Variants in CRTC1 observed in about 807,000 individuals in gnomAD.
CRTC1 encodes CREB-regulated transcription coactivator 1.
Under a neutral mutation model 66.1 loss-of-function variants are expected in CRTC1, and 18 were observed. That is an observed-to-expected ratio of 0.27 (90% CI 0.19 to 0.40). The LOEUF is 0.40. CRTC1 is among the 10% of genes least tolerant of loss of function. The probability of loss-of-function intolerance (pLI) is 1.00; values close to 1 mark genes in which losing one functional copy is unlikely to be tolerated. For missense variants in CRTC1, 669 were observed against 887.9 expected (o/e 0.75, Z 3.13); for synonymous variants, 416 against 398.8 (o/e 1.04, Z -0.51).
intron 1 of CRTC1, among the ~76,000 whole-genome samples, chr19:18,704,688 G>A (rs1410019156): frequency 2.0e-5 from 3 of 152,040 alleles, no homozygotes; most frequent in African/African-American, 7.2e-5. Context: ...CTGCAGCCTG[G>A]GCAACAGAAC....
chr19:18,775,609 G>T, intron 12 of CRTC1, 32 bp from the exon 13 acceptor site: 1 of 1,524,822 alleles, frequency 6.6e-7, no homozygotes, highest in Admixed American at 2.1e-5. Flanking sequence ...GCCCGCGGTG[G>T]CCCTCACAGC....
At chr19:18,708,525 G>T (rs1274836256) in intron 1 of CRTC1, among the ~76,000 whole-genome samples, 1 of 152,206 alleles carries the variant, frequency 6.6e-6, no homozygotes. Flanking sequence ...GGGGAATCGG[G>T]ACCATGACGA....
At position 18,708,915 on chromosome 19, in the gene CRTC1, C is replaced by T. The variant is rs113624803; in HGVS notation, c.126+25087C>T. Among the ~76,000 whole-genome samples, 17 of 152,340 alleles carry T rather than the reference C, an allele frequency of 1.1e-4. 1 individual carries two copies. The highest frequency in any genetic ancestry group is 4.1e-4 in the African/African-American group (17 of 41,586). On this transcript the variant is annotated intron_variant, in intron 1 of 13. Transcript: ENST00000321949. ...TGCTCAGTTCAGGCAGCCGTGTGGC[C>T]ACCCTGGTGACTCCTCCCTGCCGCT...
Position 18,777,391 on chromosome 19 carries a change from G to A in CRTC1, c.*9G>A, listed in dbSNP as rs1410288152. 5.6e-6 allele frequency: 9 copies of A among 1,599,860 alleles called. No individual in the cohort carries two copies. Among genetic ancestry groups the A allele is most frequent in the Non-Finnish European group, 7.6e-6 (9 of 1,179,064 alleles). On this transcript the variant is annotated 3_prime_UTR_variant, in exon 14 of 14. Transcript: ENST00000321949. The surrounding 1 kb of genome is among the most constrained non-coding windows in gnomAD (Gnocchi z 5.5). ...GGATGGACCGCCTGTGAGCGGGCAC[G>A]CCGGCACCCTGCCGCTCAGCCGTCC...
chr19:18,706,394 T>TG (rs61204250), intron 1 of CRTC1, among the ~76,000 whole-genome samples: 4,397 of 151,444 alleles, frequency 0.029, 233 homozygotes, highest in African/African-American at 0.1. Flanking sequence ...TTAGTAGAGA[T>TG]GGGGTTTCAC....
chr19:18,752,680 G>A (rs945202211), intron 5 of CRTC1, among the ~76,000 whole-genome samples: 2 of 147,794 alleles, frequency 1.4e-5, no homozygotes, highest in South Asian at 2.1e-4. Flanking sequence ...TCACTCTGTC[G>A]CCCAGACTGG....
chr19:18,725,642 C>T (rs541668241), intron 1 of CRTC1, among the ~76,000 whole-genome samples: 5 of 152,294 alleles, frequency 3.3e-5, no homozygotes, highest in South Asian at 2.1e-4. Context: ...GAGGCCTGGC[C>T]GTCCTTGGCG....
chr19:18,745,905 G>A lies in CRTC1; in HGVS notation c.326G>A (p.Gly109Asp). 6.2e-7 allele frequency: 1 copy of A among 1,613,204 alleles called. No homozygotes were observed. The highest frequency in any genetic ancestry group is 8.5e-7 in the Non-Finnish European group (1 of 1,179,828). ...GLVDRVYRER[G>D]RLGSPHRRPL... is the part of the protein sequence containing the mutation. ...GTGGACAGGGTGTACCGGGAGCGTG[G>A]CCGGCTCGGCTCCCCACACCGCCGG... The change falls in exon 3 of 14, where the codon GGC becomes GAC. Residue 109 changes from glycine to aspartate, a missense_variant. Physicochemically the swap from Gly to Asp is moderately conservative, Grantham distance 94. Around this residue, in one of 8 missense-constraint regions of CRTC1, gnomAD observed 214 missense variants for 323.4 expected, o/e 0.66. Transcript: ENST00000321949.
chr19:18,718,290 C>T (rs2053551005), intron 1 of CRTC1, among the ~76,000 whole-genome samples: 1 of 152,118 alleles, frequency 6.6e-6, no homozygotes, highest in South Asian at 2.1e-4. Flanking sequence ...CTCAGCATCA[C>T]ATGTTCAGTT....
In CRTC1 at chr19:18,777,007, CAT is replaced by C. The variant is rs1209790802; in HGVS notation, c.1694-163_1694-162del. On this transcript the variant is annotated intron_variant, in intron 13 of 13. Transcript: ENST00000321949. The surrounding 1 kb of genome is among the most constrained non-coding windows in gnomAD (Gnocchi z 5.5). Reference sequence around the variant, plus strand: ...CACTGTAGGGTGCTGAGCAGCATCTCATGTGCTGGCCCCTCCCCCAGTCATGA... The same window carrying C: ...CACTGTAGGGTGCTGAGCAGCATCTCGTGCTGGCCCCTCCCCCAGTCATGA... Among the ~76,000 whole-genome samples, 5 of 152,220 alleles carry C rather than the reference CAT, an allele frequency of 3.3e-5. No homozygotes were observed. Among genetic ancestry groups the C allele is most frequent in the African/African-American group, 9.6e-5 (4 of 41,456 alleles).
chr19:18,779,037 C>G lies in CRTC1; in HGVS notation c.*1655C>G, dbSNP rs1036768110. 6.5e-5 allele frequency: 15 copies of G among 232,364 alleles called. No individual in the cohort carries two copies. The highest frequency in any genetic ancestry group is 3.1e-4 in the African/African-American group (14 of 45,294). The allele number at this position is 232,364 out of a possible 1,614,324, so 14.4% of individuals were successfully genotyped here. On this transcript the variant is annotated 3_prime_UTR_variant, in exon 14 of 14. Coordinates refer to ENST00000321949, the MANE Select transcript of CRTC1 (RefSeq NM_015321.3). ...CCTGGACCCTCCCCATACCACGGGC[C>G]CTGCAAGGGAGGCATCAGGGCTGGC...
intron 1 of CRTC1, among the ~76,000 whole-genome samples, chr19:18,699,758 G>T (rs536482252): frequency 1.3e-5 from 2 of 152,308 alleles, no homozygotes; most frequent in South Asian, 4.1e-4. Flanking sequence ...CAGGGTGAGG[G>T]GTTGAGATCT....
intron 10 of CRTC1, among the ~76,000 whole-genome samples, chr19:18,770,977 T>A (rs986756116): frequency 1.3e-5 from 2 of 151,492 alleles, no homozygotes; most frequent in African/African-American, 4.9e-5. Flanking sequence ...TGTGTGTGCA[T>A]GTGTGGGTGT....
intron 1 of CRTC1, among the ~76,000 whole-genome samples, chr19:18,722,218 T>C (rs1215624205): frequency 2.6e-5 from 4 of 152,192 alleles, no homozygotes; most frequent in South Asian, 2.1e-4. Flanking sequence ...CAAGCAGTTA[T>C]CAACTTGTCT....
At chr19:18,707,607 T>C (rs1422550873) in intron 1 of CRTC1, among the ~76,000 whole-genome samples, 2 of 150,772 alleles carry the variant, frequency 1.3e-5, no homozygotes, top group Non-Finnish European at 3.0e-5. Flanking sequence ...ATATGGATTT[T>C]AGGGTGGATT....
At chr19:18,776,648 C>T (rs1232167791) in intron 13 of CRTC1, among the ~76,000 whole-genome samples, 2 of 152,238 alleles carry the variant, frequency 1.3e-5, no homozygotes, top group Non-Finnish European at 2.9e-5. Flanking sequence ...CCGCAATGGC[C>T]TCAAGAGCCC....
intron 12 of CRTC1, 61 bp from the exon 13 acceptor site, chr19:18,775,580 G>T: frequency 1.4e-6 from 2 of 1,417,830 alleles, no homozygotes; most frequent in Non-Finnish European, 1.9e-6. Context: ...CCAAGGGCTT[G>T]GGGTGGCCAG....
chr19:18,765,585 G>C, intron 9 of CRTC1, 57 bp downstream of exon 9: 1 of 1,523,494 alleles, frequency 6.6e-7, no homozygotes, highest in Non-Finnish European at 8.9e-7. Flanking sequence ...TGGAGGCCTG[G>C]CTCTACCTCT....
chr19:18,750,829 G>A (rs1223729916), intron 5 of CRTC1, among the ~76,000 whole-genome samples: 1 of 152,170 alleles, frequency 6.6e-6, no homozygotes, highest in African/African-American at 2.4e-5. Context: ...TGAGGCTTCT[G>A]GAACACCCAG....
Sources: allele counts gnomAD v4.1 joint callset (sites outside exome capture counted in the v4.1 genomes callset), GRCh38; gene constraint gnomAD v4.1.1; regional missense constraint gnomAD v4.1.1; non-coding constraint Gnocchi (gnomAD v3.1); transcripts MANE v1.5; gene names NCBI Gene and HGNC (gene_info 2026-07-23, HGNC 2026-07-21).